Variants in ERI3 observed in about 807,000 individuals in gnomAD.
ERI3 encodes the protein ERI1 exoribonuclease 3.
ERI3 carries 18 observed loss-of-function variants against 44.4 expected under a neutral mutation model. That is an observed-to-expected ratio of 0.41 (90% CI 0.28 to 0.60). The LOEUF (loss-of-function observed/expected upper bound fraction) is 0.60, where lower values mean the gene tolerates loss of function less well. Ranked by LOEUF, ERI3 falls within the 20% of genes least tolerant of loss-of-function variation. ERI3 has a pLI of 0.36. For synonymous variants in ERI3, 183 were observed against 164.8 expected (o/e 1.11, Z -0.84); for missense variants, 294 against 435.5 (o/e 0.68, Z 2.89).
chr1:44,319,511 G>A, intron 4 of ERI3, 117 bp downstream of exon 4: 2 of 690,464 alleles, frequency 2.9e-6, no homozygotes, highest in Non-Finnish European at 5.1e-6. Context: ...GGTCTAGTGT[G>A]CACTTGCCTT....
Position 44,221,492 on chromosome 1 carries a change from G to T in ERI3, c.*66C>A. 1 of 1,295,354 alleles carries T rather than the reference G, an allele frequency of 7.7e-7. No individual in the cohort carries two copies. Among genetic ancestry groups the T allele is most frequent in the South Asian group, 1.2e-5 (1 of 84,000 alleles). 80.2% of individuals were successfully genotyped at this position (1,295,354 alleles called of 1,614,324 possible). A position where few individuals can be genotyped will look rare whatever the true frequency, so the allele number is the denominator to read the frequency against. ...CACTCTCCCTCTTCCCCTCTGGTGA[G>T]GGAGAGGAGGATTCTGGGCTGGGCC... On this transcript the variant is annotated 3_prime_UTR_variant, in exon 9 of 9. Coordinates refer to ENST00000372257, the MANE Select transcript of ERI3 (RefSeq NM_024066.3). This position sits in a 1 kb window ranked among gnomAD's most constrained non-coding sequence, Gnocchi z 5.9.
chr1:44,303,992 CAATT>C lies in ERI3; in HGVS notation c.758+4314_758+4317del, dbSNP rs566726462. ...GGGAGGCAGAAGCAACAGGATTTGG[CAATT>C]AATTGGTGTGGATAGAGAAGGGATA... is the stretch of plus-strand genomic sequence containing the variant. On this transcript the variant is annotated intron_variant, in intron 6 of 8. Coordinates refer to ENST00000372257, the MANE Select transcript of ERI3 (RefSeq NM_024066.3). Among the ~76,000 whole-genome samples, 130 of 152,146 alleles carry C rather than the reference CAATT, an allele frequency of 8.5e-4. 2 individuals are homozygous for C. Among genetic ancestry groups the C allele is most frequent in the Non-Finnish European group, 1.0e-3 (71 of 68,014 alleles).
At chr1:44,253,581 C>T (rs144210562) in intron 7 of ERI3, among the ~76,000 whole-genome samples, 2 of 152,228 alleles carry the variant, frequency 1.3e-5, no homozygotes, top group Non-Finnish European at 2.9e-5. Context: ...CACTGTGACT[C>T]TGACATACCT....
chr1:44,323,062 G>C (rs1646237246), intron 3 of ERI3: 3 of 728,778 alleles, frequency 4.1e-6, no homozygotes, highest in Non-Finnish European at 5.8e-6. Flanking sequence ...CCTAGGAAGA[G>C]GTTTATTTCA....
intron 3 of ERI3, chr1:44,322,938 A>G: frequency 7.0e-7 from 1 of 1,435,288 alleles, no homozygotes. Flanking sequence ...CATTAATCCC[A>G]ACACAAAGAT....
chr1:44,338,789 C>T (rs142841095), intron 3 of ERI3, among the ~76,000 whole-genome samples: 15 of 152,108 alleles, frequency 9.9e-5, no homozygotes, highest in East Asian at 3.9e-4. Context: ...AAAGGAAGGA[C>T]GGGAGAAGGA....
At position 44,247,875 on chromosome 1, in the gene ERI3, G is replaced by A. The variant is rs990448317; in HGVS notation, c.931+64C>T. On this transcript the variant is annotated intron_variant, in intron 8 of 8. Transcript: ENST00000372257. ...CATGGAAACTCTCTATGTGCCTGGGGACTGGGGCACGCGGGCAAGGGACGA... is the reference window on the plus strand; with the variant it reads ...CATGGAAACTCTCTATGTGCCTGGGAACTGGGGCACGCGGGCAAGGGACGA... 20 of 1,333,010 alleles carry A rather than the reference G, an allele frequency of 1.5e-5. No homozygotes were observed. The Admixed American group carries it at 3.5e-4, about 23-fold the overall frequency. The allele number at this position is 1,333,010 out of a possible 1,614,324, so 82.6% of individuals were successfully genotyped here. A position where few individuals can be genotyped will look rare whatever the true frequency, so the allele number is the denominator to read the frequency against.
At chr1:44,344,508 T>C (rs527744277) in intron 2 of ERI3, among the ~76,000 whole-genome samples, 138 of 152,232 alleles carry the variant, frequency 9.1e-4, no homozygotes, top group South Asian at 3.9e-3. Context: ...GCACTCCTGC[T>C]ACCATACAGC....
In ERI3 at chr1:44,352,874, G is replaced by A. The variant is rs1025983088; in HGVS notation, c.187C>T (p.Leu63Phe). The change falls in exon 2 of 9, where the codon CTT becomes TTT. Residue 63 changes from leucine (L) to phenylalanine (F), a missense_variant. This residue lies in a region of ERI3 where 107 missense variants were observed against 96.9 expected (regional missense o/e 1.10). Transcript: ENST00000372257. ...TEPSASPAAG[L>F]GIFEVRRVLD... is the part of the protein sequence containing the mutation. ...CCTCTCCTTACTTCGAAGATGCCAA[G>A]ACCGGCAGCTGGGGATGCTGAAGGT... 1.2e-6 allele frequency: 2 copies of A among 1,613,900 alleles called. No individual in the cohort carries two copies. The highest frequency in any genetic ancestry group is 2.7e-5 in the African/African-American group (2 of 74,854).
chr1:44,355,001 T>A lies in ERI3; in HGVS notation c.26A>T (p.Asp9Val), dbSNP rs753902024. Residue 9 changes from aspartate to valine, a missense_variant, in exon 1 of 9, where the codon GAC becomes GTC. Transcript: ENST00000372257. Reference protein sequence around the residue: MATASPAADGGRGRPWEGG... With the variant: MATASPAAVGGRGRPWEGG... ...TTCCCAGGGCCGCCCCCGCCCCCCG[T>A]CAGCAGCGGGAGAGGCTGTCGCCAT... 20 of 1,382,940 alleles carry A rather than the reference T, an allele frequency of 1.4e-5. No homozygotes were observed. Among genetic ancestry groups the A allele is most frequent in the Non-Finnish European group, 1.6e-5 (17 of 1,063,312 alleles). The allele number at this position is 1,382,940 out of a possible 1,614,324, so 85.7% of individuals were successfully genotyped here.
In ERI3 at chr1:44,348,482, T is replaced by A. The variant is rs77188707; in HGVS notation, c.211+4368A>T. ...CCAGCTCTGACACTCCCATAAATTATCCGCCTTTTGATTTTACCTGTAGCT... is the reference window on the plus strand; with the variant it reads ...CCAGCTCTGACACTCCCATAAATTAACCGCCTTTTGATTTTACCTGTAGCT... On this transcript the variant is annotated intron_variant, in intron 2 of 8. Transcript: ENST00000372257. Among the ~76,000 whole-genome samples, 8 of 152,198 alleles carry A rather than the reference T, an allele frequency of 5.3e-5. No individual in the cohort carries two copies. The South Asian group carries it at 1.0e-3, about 20-fold the overall frequency.
At chr1:44,322,512 T>C (rs1217455272) in intron 3 of ERI3, among the ~76,000 whole-genome samples, 1 of 152,080 alleles carries the variant, frequency 6.6e-6, no homozygotes, top group East Asian at 1.9e-4. Flanking sequence ...AGCCAAGCCT[T>C]CTCCCCAAGA....
chr1:44,284,457 G>A (rs958373425), intron 7 of ERI3, among the ~76,000 whole-genome samples: 1 of 152,172 alleles, frequency 6.6e-6, no homozygotes, highest in Non-Finnish European at 1.5e-5. Flanking sequence ...CATTGATGAT[G>A]ATAACAAAGG....
rs538601932 is a variant in ERI3, at chr1:44,256,518, C to T, written c.832-8480G>A. 7.9e-5 allele frequency among the ~76,000 whole-genome samples: 12 copies of T among 152,298 alleles called. No homozygotes were observed. In the South Asian group the frequency reaches 8.3e-4, roughly 11 times the overall value. Reference sequence around the variant, plus strand: ...GTTCTGTTGTGTGTACAGTGTTCTCCGGCTACCAACATACTTCAGGGGCCC... The same window carrying T: ...GTTCTGTTGTGTGTACAGTGTTCTCTGGCTACCAACATACTTCAGGGGCCC... On this transcript the variant is annotated intron_variant, in intron 7 of 8. Coordinates refer to ENST00000372257, the MANE Select transcript of ERI3 (RefSeq NM_024066.3).
At chr1:44,353,812 T>G in intron 1 of ERI3, 1 of 985,430 alleles carries the variant, frequency 1.0e-6, no homozygotes, top group Non-Finnish European at 1.2e-6. Flanking sequence ...CAAAGTGCTC[T>G]GAGCTCCAGT....
At chr1:44,260,510 G>C (rs917332209) in intron 7 of ERI3, among the ~76,000 whole-genome samples, 1 of 152,188 alleles carries the variant, frequency 6.6e-6, no homozygotes, top group Non-Finnish European at 1.5e-5. Context: ...TTGAAAGGAC[G>C]TGATCAGAGC....
intron 7 of ERI3, among the ~76,000 whole-genome samples, chr1:44,265,548 G>A (rs1250897113): frequency 6.6e-6 from 1 of 151,980 alleles, no homozygotes; most frequent in African/African-American, 2.4e-5. Context: ...AGACAGACAA[G>A]TGTTCTTTTA....
At chr1:44,222,282 G>C (rs771732169) in intron 8 of ERI3, among the ~76,000 whole-genome samples, 2 of 152,188 alleles carry the variant, frequency 1.3e-5, no homozygotes, top group African/African-American at 4.8e-5. Context: ...GTGGAGCTCC[G>C]ACAGGATGGG....
At chr1:44,342,845 ATATATATATATATTTTTTTTTTTTTTTT>A (rs1646703207) in intron 2 of ERI3, among the ~76,000 whole-genome samples, 1 of 30,708 alleles carries the variant, frequency 3.3e-5, no homozygotes, top group African/African-American at 1.6e-4. Context: ...ATATATATAT[ATATATATATATATTTTTTTTTTTTTTTT>A]TTTTTTTTTT....
Sources: gnomAD v4.1 joint callset for allele counts (sites outside exome capture counted in the v4.1 genomes callset) on GRCh38, gnomAD v4.1.1 for gene constraint, gnomAD v4.1.1 regional missense constraint, Gnocchi (gnomAD v3.1) non-coding constraint, MANE v1.5 for transcripts, NCBI Gene and HGNC (gene_info 2026-07-23, HGNC 2026-07-21) for gene names.